Variants in TMPO observed in about 807,000 individuals in gnomAD.
TMPO encodes the protein thymopoietin.
In TMPO, 22 loss-of-function variants were observed where a neutral mutation model predicts 45.4. The ratio of observed to expected loss-of-function variants is 0.48; its 90% CI spans 0.35 to 0.69. The LOEUF (loss-of-function observed/expected upper bound fraction) is 0.69, where lower values mean the gene tolerates loss of function less well. TMPO is among the 30% of genes least tolerant of loss of function. TMPO has a pLI of 0.01. For missense variants in TMPO, 512 were observed against 548.8 expected, an observed-to-expected ratio of 0.93 and a Z score of 0.67; for synonymous variants, 241 against 204.1, an observed-to-expected ratio of 1.18 and a Z score of -1.54.
chr12:98,547,078 C>CTTTTTTTTTTTTTTTTTTTTTTTTTTT (rs10632560), intron 8 of TMPO, among the ~76,000 whole-genome samples: 1 of 141,680 alleles, frequency 7.1e-6, no homozygotes. Context: ...ATGCATCGAA[C>CTTTTTTTTTTTTTTTTTTTTTTTTTTT]TTTTTTTTTT....
rs770216164 is a variant in TMPO at position 98,531,734 on chromosome 12, C to T, written c.461C>T (p.Thr154Ile). ...CTTTTGAAACTGAGGGAACAAGGAACAGAATCAAGATCTTCTACTCCTCTG... is the reference window on the plus strand; with the variant it reads ...CTTTTGAAACTGAGGGAACAAGGAATAGAATCAAGATCTTCTACTCCTCTG... Reference protein sequence around the residue: ...KKLLKLREQGTESRSSTPLPT... With the variant: ...KKLLKLREQGIESRSSTPLPT... The change falls in exon 3 of 9, where the codon ACA becomes ATA. Residue 154 changes from threonine (T) to isoleucine (I), a missense_variant. Thr to Ile is a moderately conservative substitution (Grantham distance 89, BLOSUM62 -1). Coordinates refer to ENST00000556029, the MANE Select transcript of TMPO (RefSeq NM_001032283.3). The T allele has an allele frequency of 1.2e-6, 2 of 1,613,558 alleles. No individual in the cohort carries two copies. The highest frequency in any genetic ancestry group is 2.2e-5 in the South Asian group (2 of 91,068).
At chr12:98,527,781 TA>T in intron 1 of TMPO, 104 bp from the exon 2 acceptor site, 2 of 1,358,912 alleles carry the variant, frequency 1.5e-6, no homozygotes, top group Non-Finnish European at 2.1e-6. Context: ...AATATTACTA[TA>T]AACCAATTTG....
chr12:98,533,940 C>T (rs764177808), intron 3 of TMPO: 3 of 1,614,004 alleles, frequency 1.9e-6, no homozygotes, highest in Admixed American at 1.7e-5. Flanking sequence ...CTGAGTCTTG[C>T]AATCAGCAGT....
chr12:98,527,416 G>A (rs1876856612), intron 1 of TMPO: 2 of 152,812 alleles, frequency 1.3e-5, no homozygotes, highest in African/African-American at 2.4e-5. Context: ...CCAGCTATTT[G>A]GGAGACTGAG....
chr12:98,520,929 A>C (rs964463602), intron 1 of TMPO, among the ~76,000 whole-genome samples: 1 of 152,048 alleles, frequency 6.6e-6, no homozygotes, highest in African/African-American at 2.4e-5. Flanking sequence ...AGTGGTAAAA[A>C]GGAATAAAAG....
intron 1 of TMPO, among the ~76,000 whole-genome samples, chr12:98,523,541 CAAA>C (rs747050595): frequency 7.5e-6 from 1 of 133,490 alleles, no homozygotes; most frequent in Non-Finnish European, 1.6e-5. Context: ...GACTCCATCT[CAAA>C]AAAAAAAAAA....
chr12:98,530,767 G>C (rs1206215120), intron 2 of TMPO, among the ~76,000 whole-genome samples: 2 of 152,100 alleles, frequency 1.3e-5, no homozygotes, highest in Admixed American at 1.3e-4. Flanking sequence ...TTTTCATAGA[G>C]GTACAATCCG....
At chr12:98,529,569 A>G (rs1049370307) in intron 2 of TMPO, among the ~76,000 whole-genome samples, 3 of 151,756 alleles carry the variant, frequency 2.0e-5, no homozygotes, top group Non-Finnish European at 2.9e-5. Flanking sequence ...CCATTTTATT[A>G]TTATTTTTTT....
intron 1 of TMPO, among the ~76,000 whole-genome samples, chr12:98,522,650 T>G (rs12581633): frequency 0.075 from 11,448 of 152,276 alleles, 681 homozygotes; most frequent in East Asian, 0.26. Flanking sequence ...GATTTCTGAA[T>G]TTTTGTCTTT....
At chr12:98,544,617 T>A in intron 6 of TMPO, 80 bp downstream of exon 6, 1 of 1,187,812 alleles carries the variant, frequency 8.4e-7, no homozygotes, top group Non-Finnish European at 1.2e-6. Context: ...TGGTGAATTT[T>A]GGCAAATCTC....
intron 1 of TMPO, 182 bp downstream of exon 1, chr12:98,516,328 G>T (rs1875814487): frequency 8.2e-7 from 1 of 1,226,374 alleles, no homozygotes; most frequent in Non-Finnish European, 1.0e-6. Flanking sequence ...GGAGAGGCCA[G>T]AAGTTGGGGC....
intron 4 of TMPO, among the ~76,000 whole-genome samples, chr12:98,539,761 A>G (rs1372015753): frequency 6.6e-6 from 1 of 152,170 alleles, no homozygotes; most frequent in Non-Finnish European, 1.5e-5. Context: ...GGCATGAGCT[A>G]CCGCACCTGG....
At chr12:98,524,861 T>G (rs1041519239) in intron 1 of TMPO, among the ~76,000 whole-genome samples, 2 of 152,180 alleles carry the variant, frequency 1.3e-5, no homozygotes, top group Non-Finnish European at 1.5e-5. Flanking sequence ...CCCAAAGTGC[T>G]GGGATTACAG....
rs1878457985 is a variant in TMPO, at chr12:98,550,237, A to G, written c.*2379A>G. 6.6e-6 allele frequency: 1 copy of G among 152,222 alleles called. No individual in the cohort carries two copies. The highest frequency in any genetic ancestry group is 2.1e-4 in the South Asian group (1 of 4,834). 9.4% of individuals were successfully genotyped at this position (152,222 alleles called of 1,614,324 possible). A position where few individuals can be genotyped will look rare whatever the true frequency, so the allele number is the denominator to read the frequency against. ...ATAAATGTGTCCTTGATGTAAATGC[A>G]AAGCATTTCTTCCTGATTAAATTGT... On this transcript the variant is annotated 3_prime_UTR_variant, in exon 9 of 9. Transcript: ENST00000556029.
rs768248182 is a variant in TMPO, at chr12:98,533,102, C to A, written c.565+1264C>A. The A allele has an allele frequency of 8.7e-6, 14 of 1,614,100 alleles. No individual in the cohort carries two copies. In the South Asian group the frequency reaches 1.5e-4, roughly 18 times the overall value. ...AGGAATTTGTTTATTTCATGCAAGT[C>A]TAGCCATGATAGGTGTTTAGAGAAA... On this transcript the variant is annotated intron_variant, in intron 3 of 8. Transcript: ENST00000556029.
Position 98,528,132 on chromosome 12 carries a change from T to C in TMPO, c.406+120T>C, listed in dbSNP as rs1488082783. ...CTGGTTTGTCATTAATCATTTGTTA[T>C]CAGCAGAACCTGTGTTTCTTTGACT... is the stretch of plus-strand genomic sequence containing the variant. On this transcript the variant is annotated intron_variant, in intron 2 of 8. Coordinates refer to ENST00000556029, the MANE Select transcript of TMPO (RefSeq NM_001032283.3). 8.8e-6 allele frequency: 10 copies of C among 1,132,304 alleles called. No homozygotes were observed. In the African/African-American group the frequency reaches 1.2e-4, roughly 14 times the overall value. The allele number at this position is 1,132,304 out of a possible 1,614,324, so 70.1% of individuals were successfully genotyped here.
chr12:98,534,451 G>A (rs926019943), intron 3 of TMPO: 4 of 1,566,894 alleles, frequency 2.6e-6, no homozygotes, highest in South Asian at 2.3e-5. Context: ...ATTACAAAAT[G>A]TTAAGCTTCT....
Position 98,547,907 on chromosome 12 carries a change from G to C in TMPO, c.*49G>C, listed in dbSNP as rs1473017511. ...ACTTGGTCTCCTATTTTCAATAACTGTTGAAAAACATTTGTGTACACTTGT... is the reference window on the plus strand; with the variant it reads ...ACTTGGTCTCCTATTTTCAATAACTCTTGAAAAACATTTGTGTACACTTGT... On this transcript the variant is annotated 3_prime_UTR_variant, in exon 9 of 9. Coordinates refer to ENST00000556029, the MANE Select transcript of TMPO (RefSeq NM_001032283.3). 8.8e-6 allele frequency: 14 copies of C among 1,591,194 alleles called. No homozygotes were observed. Among genetic ancestry groups the C allele is most frequent in the Non-Finnish European group, 1.1e-5 (13 of 1,162,502 alleles).
At chr12:98,520,302 CTTCCTTCT>C (rs1051472860) in intron 1 of TMPO, among the ~76,000 whole-genome samples, 11 of 147,600 alleles carry the variant, frequency 7.5e-5, no homozygotes, top group South Asian at 2.2e-4. Context: ...TCCTTCCTTC[CTTCCTTCT>C]GTGTGTGTGA....
Sources: allele counts gnomAD v4.1 joint callset (sites outside exome capture counted in the v4.1 genomes callset), GRCh38; gene constraint gnomAD v4.1.1; transcripts MANE v1.5; gene names NCBI Gene and HGNC (gene_info 2026-07-23, HGNC 2026-07-21).